CDC42BPA: variants seen among roughly 807,000 people sequenced by gnomAD.
CDC42BPA encodes the protein serine/threonine-protein kinase MRCK alpha.
Under a neutral mutation model 223.5 loss-of-function variants are expected in CDC42BPA, and 80 were observed. The ratio of observed to expected loss-of-function variants is 0.36; its 90% CI spans 0.30 to 0.43. CDC42BPA has a LOEUF of 0.43. Among genes scored for constraint, CDC42BPA ranks in the 20% least tolerant of loss-of-function variants. The pLI is 1.00. For synonymous variants in CDC42BPA, 694 were observed against 718.6 expected, an observed-to-expected ratio of 0.97 and a Z score of 0.55; for missense variants, 1,743 against 2,099.9, an observed-to-expected ratio of 0.83 and a Z score of 3.32.
chr1:227,133,663 C>T (rs546694277), intron 10 of CDC42BPA, among the ~76,000 whole-genome samples: 3,153 of 152,182 alleles, frequency 0.021, 123 homozygotes, highest in African/African-American at 0.072. Context: ...TGTGACCTTA[C>T]CCCCAACCCT....
chr1:227,239,267 G>A (rs1679621478), intron 2 of CDC42BPA, among the ~76,000 whole-genome samples: 1 of 152,158 alleles, frequency 6.6e-6, no homozygotes, highest in Non-Finnish European at 1.5e-5. Context: ...TCAGTGGTGA[G>A]GGAGAAATGA....
intron 1 of CDC42BPA, among the ~76,000 whole-genome samples, chr1:227,284,962 C>CA (rs34475633): frequency 0.27 from 35,478 of 129,764 alleles, 5,040 homozygotes; most frequent in South Asian, 0.33. Context: ...GACCCCATCT[C>CA]ACAAAAAAAA....
chr1:227,207,043 T>C (rs12723800), intron 3 of CDC42BPA, among the ~76,000 whole-genome samples: 7 of 143,898 alleles, frequency 4.9e-5, no homozygotes, highest in East Asian at 4.4e-4. Context: ...AACTCGTCAT[T>C]TAGCATTAGG....
At chr1:227,032,733 A>G (rs1669512727) in intron 27 of CDC42BPA, among the ~76,000 whole-genome samples, 1 of 152,204 alleles carries the variant, frequency 6.6e-6, no homozygotes, top group East Asian at 1.9e-4. Flanking sequence ...CCTGACGACC[A>G]GAGACCACAT....
chr1:227,148,771 G>GAAAAAAAAAAA (rs1491285386), intron 6 of CDC42BPA, among the ~76,000 whole-genome samples: 4 of 7,724 alleles, frequency 5.2e-4, no homozygotes, highest in Non-Finnish European at 7.7e-4. Context: ...GGTCTCAAAA[G>GAAAAAAAAAAA]CAAAAAAAAA....
intron 1 of CDC42BPA, chr1:227,264,705 G>C (rs1334824187): frequency 3.0e-6 from 2 of 677,640 alleles, no homozygotes; most frequent in Non-Finnish European, 5.3e-6. Context: ...TTTAACATGA[G>C]AAATAAAATA....
intron 28 of CDC42BPA, 33 bp downstream of exon 28, chr1:227,031,262 AATG>A: frequency 6.6e-7 from 1 of 1,513,922 alleles, no homozygotes; most frequent in Non-Finnish European, 9.2e-7. Context: ...ATTAGTAAAC[AATG>A]ATAATAATAT....
At chr1:227,077,554 TTTC>T (rs1339171866) in intron 17 of CDC42BPA, among the ~76,000 whole-genome samples, 2 of 152,186 alleles carry the variant, frequency 1.3e-5, no homozygotes, top group Non-Finnish European at 2.9e-5. Flanking sequence ...ATCCTCCTTC[TTTC>T]TTGTCTCCTT....
chr1:227,152,799 T>C (rs1021284660), intron 6 of CDC42BPA, among the ~76,000 whole-genome samples: 3 of 151,924 alleles, frequency 2.0e-5, no homozygotes, highest in African/African-American at 4.8e-5. Flanking sequence ...GGGAAAAACA[T>C]CAGCAATAAT....
At chr1:227,184,112 T>C (rs180974361) in intron 5 of CDC42BPA, among the ~76,000 whole-genome samples, 27 of 152,310 alleles carry the variant, frequency 1.8e-4, no homozygotes, top group Admixed American at 1.1e-3. Flanking sequence ...TTGTAAGGTA[T>C]GTTGACAACT....
At chr1:227,146,557 ATATTCT>A (rs777354692) in intron 7 of CDC42BPA, among the ~76,000 whole-genome samples, 15 of 152,156 alleles carry the variant, frequency 9.9e-5, no homozygotes, top group Non-Finnish European at 1.5e-4. Context: ...TCGGATATTC[ATATTCT>A]AAGTATTTGC....
intron 23 of CDC42BPA, among the ~76,000 whole-genome samples, chr1:227,040,897 T>C (rs1281644898): frequency 6.6e-6 from 1 of 152,198 alleles, no homozygotes; most frequent in African/African-American, 2.4e-5. Context: ...AGATTTTATC[T>C]CTTTGGAATA....
At chr1:227,012,813 T>TAC (rs1665475286) in intron 34 of CDC42BPA, among the ~76,000 whole-genome samples, 1 of 152,110 alleles carries the variant, frequency 6.6e-6, no homozygotes, top group Non-Finnish European at 1.5e-5. Context: ...TTTCAATAGA[T>TAC]ACATACACAA....
intron 31 of CDC42BPA, among the ~76,000 whole-genome samples, 159 bp from the exon 32 acceptor site, chr1:227,023,506 G>A (rs1387972447): frequency 6.6e-6 from 1 of 152,026 alleles, no homozygotes; most frequent in Non-Finnish European, 1.5e-5. Flanking sequence ...TGACTGGAAA[G>A]GTATAATACT....
At chr1:227,167,995 G>A (rs1177370102) in intron 5 of CDC42BPA, among the ~76,000 whole-genome samples, 3 of 151,816 alleles carry the variant, frequency 2.0e-5, no homozygotes, top group African/African-American at 7.3e-5. Flanking sequence ...CATGATCTTG[G>A]CTCACTGAAA....
intron 6 of CDC42BPA, among the ~76,000 whole-genome samples, chr1:227,153,202 C>G (rs1487157851): frequency 3.3e-5 from 5 of 150,894 alleles, no homozygotes; most frequent in Non-Finnish European, 7.4e-5. Context: ...CAATTTTAAT[C>G]TTATGGGCAT....
intron 5 of CDC42BPA, among the ~76,000 whole-genome samples, chr1:227,162,869 T>TGTGTGTGTGTGTGC (rs1664194486): frequency 1.4e-5 from 1 of 72,858 alleles, no homozygotes; most frequent in African/African-American, 4.9e-5. Context: ...TAAATATATA[T>TGTGTGTGTGTGTGC]GTGTGTGTGT....
At chr1:227,257,685 C>A (rs2813964) in intron 1 of CDC42BPA, among the ~76,000 whole-genome samples, 43,351 of 150,132 alleles carry the variant, frequency 0.29, 6,964 homozygotes, top group East Asian at 0.37. Context: ...ACCCAGGAGG[C>A]GGAGGTTGCA....
chr1:227,249,727 G>A (rs1681625043), intron 2 of CDC42BPA, among the ~76,000 whole-genome samples: 3 of 152,114 alleles, frequency 2.0e-5, no homozygotes, highest in Non-Finnish European at 4.4e-5. Context: ...TCAGAGAAAT[G>A]CAAATCAAAA....
Sources: gnomAD v4.1 joint callset for allele counts (sites outside exome capture counted in the v4.1 genomes callset) on GRCh38, gnomAD v4.1.1 for gene constraint, MANE v1.5 for transcripts, NCBI Gene and HGNC (gene_info 2026-07-23, HGNC 2026-07-21) for gene names.